The following CEP250 variants were observed in gnomAD, a reference collection of about 807,000 sequenced individuals.
CEP250 encodes centrosomal protein 250.
A neutral mutation model predicts 315.7 loss-of-function variants in CEP250; 242 were observed. The observed-to-expected ratio is 0.77, with a 90% CI of 0.69 to 0.85. The LOEUF (loss-of-function observed/expected upper bound fraction) is 0.85. CEP250 is among the 40% of genes least tolerant of loss of function. The pLI, the probability that CEP250 is intolerant of heterozygous loss-of-function variation, is 0.00. For synonymous variants in CEP250, 1,088 were observed against 1,175.0 expected (o/e 0.93, Z 1.51); for missense variants, 2,515 against 2,886.4 (o/e 0.87, Z 2.95).
rs776458602 is a variant in CEP250, at chr20:35,472,784, C to G, written c.1162C>G (p.Leu388Val). 3.1e-6 allele frequency: 5 copies of G among 1,614,070 alleles called. No homozygotes were observed. The highest frequency in any genetic ancestry group is 2.2e-5 in the East Asian group (1 of 44,896). Reference protein sequence around the residue: ...QFDYQDADKALTLVRSVLTRR... With the variant: ...QFDYQDADKAVTLVRSVLTRR... ...TGATTACCAGGATGCAGACAAGGCT[C>G]TTACTCTGGTGCGTTCAGTGCTGAC... is the stretch of plus-strand genomic sequence containing the variant. Residue 388 changes from leucine (L) to valine (V), a missense_variant, in exon 12 of 35, where the codon CTT (leucine) becomes GTT (valine). Coordinates refer to ENST00000397527, the MANE Select transcript of CEP250 (RefSeq NM_007186.6).
chr20:35,480,744 C>T (rs1015200424), intron 20 of CEP250, among the ~76,000 whole-genome samples: 3 of 151,930 alleles, frequency 2.0e-5, no homozygotes, highest in African/African-American at 7.3e-5. Flanking sequence ...AGGTGTGTGC[C>T]ACCACATCTG....
intron 27 of CEP250, among the ~76,000 whole-genome samples, chr20:35,499,676 G>A (rs1183124578): frequency 6.6e-6 from 1 of 152,214 alleles, no homozygotes; most frequent in Non-Finnish European, 1.5e-5. Flanking sequence ...GGAACTAGGA[G>A]GAGGGGGCAA....
In CEP250 at chr20:35,514,329, A is replaced by G. The variant is rs2064410302; in HGVS notation, c.*2703A>G. On this transcript the variant is annotated 3_prime_UTR_variant, in exon 35 of 35. Transcript: ENST00000397527. ...TGGCCACCAGAACATGCAGGAGTAG[A>G]GGTTAGAGCTCAGCCACAGAGATTA... 6.6e-6 allele frequency: 1 copy of G among 152,276 alleles called. No individual in the cohort carries two copies. The highest frequency in any genetic ancestry group is 2.1e-4 in the South Asian group (1 of 4,836). The allele number at this position is 152,276 out of a possible 1,614,324, so 9.4% of individuals were successfully genotyped here.
intron 22 of CEP250, among the ~76,000 whole-genome samples, chr20:35,492,807 A>G (rs1325008534): frequency 6.6e-6 from 1 of 152,172 alleles, no homozygotes; most frequent in Non-Finnish European, 1.5e-5. Flanking sequence ...AGCTCACTGC[A>G]ACCTTCGCCT....
At chr20:35,496,973 C>T (rs2063855338) in intron 25 of CEP250, among the ~76,000 whole-genome samples, 1 of 152,190 alleles carries the variant, frequency 6.6e-6, no homozygotes, top group African/African-American at 2.4e-5. Context: ...ACGGGTGTAG[C>T]CCATGCAGGC....
At chr20:35,500,257 C>G (rs2063965619) in intron 28 of CEP250, 88 bp downstream of exon 28, 1 of 1,497,144 alleles carries the variant, frequency 6.7e-7, no homozygotes, top group South Asian at 1.2e-5. Context: ...CTAGCAGCCA[C>G]TCTGTTTATT....
At chr20:35,472,953 G>T in intron 12 of CEP250, 122 bp downstream of exon 12, 1 of 932,868 alleles carries the variant, frequency 1.1e-6, no homozygotes, top group Non-Finnish European at 1.6e-6. Context: ...GAGGTGTTCT[G>T]TCAATATCCC....
At chr20:35,492,253 CA>C (rs1302343623) in intron 22 of CEP250, among the ~76,000 whole-genome samples, 2 of 151,962 alleles carry the variant, frequency 1.3e-5, no homozygotes, top group African/African-American at 4.8e-5. Context: ...GATATGCTTC[CA>C]TTTATATGAA....
intron 15 of CEP250, 81 bp from the exon 16 acceptor site, chr20:35,476,367 GC>G: frequency 1.5e-6 from 2 of 1,318,672 alleles, no homozygotes; most frequent in Non-Finnish European, 2.1e-6. Context: ...GTACCAAAAA[GC>G]AGCAGTGTTG....
chr20:35,507,612 A>G, intron 30 of CEP250, 126 bp from the exon 31 acceptor site: 2 of 752,172 alleles, frequency 2.7e-6, no homozygotes, highest in Non-Finnish European at 4.6e-6. Context: ...AGAATGACTC[A>G]GAGCCTCTAG....
Position 35,475,622 on chromosome 20 carries a change from GGAA to G in CEP250, c.1694_1696del (p.Glu565del). ...GGGAGTTACTGAGGCAAGAGCAAACGGAAGTGACCGCAGCGCTGGCTAGGGTGC... is the reference window on the plus strand; with the variant it reads ...GGGAGTTACTGAGGCAAGAGCAAACGGTGACCGCAGCGCTGGCTAGGGTGC... On this transcript the variant is annotated inframe_deletion, in exon 15 of 35. Transcript: ENST00000397527. 6.2e-7 allele frequency: 1 copy of G among 1,613,938 alleles called. No individual in the cohort carries two copies. The highest frequency in any genetic ancestry group is 1.1e-5 in the South Asian group (1 of 91,064).
rs2064447395 is a variant in CEP250 at position 35,517,636 on chromosome 20, C to T, written c.*6010C>T. On this transcript the variant is annotated 3_prime_UTR_variant, in exon 35 of 35. Coordinates refer to ENST00000397527, the MANE Select transcript of CEP250 (RefSeq NM_007186.6). ...GAATGATGGTGCGTGCCTGTAGTCC[C>T]AGCTACTTGGGAGGCTGAGGCAGGA... 1 of 151,978 alleles carries T rather than the reference C, an allele frequency of 6.6e-6. No homozygotes were observed. The highest frequency in any genetic ancestry group is 1.5e-5 in the Non-Finnish European group (1 of 68,064). The allele number at this position is 151,978 out of a possible 1,614,324, so 9.4% of individuals were successfully genotyped here. A position where few individuals can be genotyped will look rare whatever the true frequency, so the allele number is the denominator to read the frequency against.
chr20:35,501,877 C>G lies in CEP250; in HGVS notation c.3931C>G (p.Leu1311Val), dbSNP rs765203693. 3.1e-6 allele frequency: 5 copies of G among 1,613,042 alleles called. 1 individual carries two copies. In the South Asian group the frequency reaches 5.5e-5, roughly 18 times the overall value. ...TAAGTGGGAAGGAAAGCAGAACTCCCTAGAATCTGAGCTGATGGAACTACA... is the reference window on the plus strand; with the variant it reads ...TAAGTGGGAAGGAAAGCAGAACTCCGTAGAATCTGAGCTGATGGAACTACA... Reference protein sequence around the residue: ...KSKWEGKQNSLESELMELHET... With the variant: ...KSKWEGKQNSVESELMELHET... The change falls in exon 29 of 35, where the codon CTA (leucine) becomes GTA (valine). Residue 1311 changes from leucine (L) to valine (V), a missense_variant. Transcript: ENST00000397527.
At position 35,504,519 on chromosome 20, in the gene CEP250, G is replaced by A. The variant is rs114108181; in HGVS notation, c.6150G>A (p.Glu2050=). 842 of 1,613,980 alleles carry A rather than the reference G, an allele frequency of 5.2e-4. 1 individual carries two copies. The African/African-American group carries it at 9.6e-3, about 18-fold the overall frequency. The change falls in exon 30 of 35, where the codon GAG becomes GAA. Residue 2050 remains glutamate, a synonymous_variant. Coordinates refer to ENST00000397527, the MANE Select transcript of CEP250 (RefSeq NM_007186.6). ...LQQALAQRDE[E]LRHQQEREQL... The stretch of plus-strand genomic sequence containing the variant: ...AGGCACTTGCCCAGAGGGATGAAGA[G>A]CTGAGACATCAGCAGGAACGGGAGC...
rs762017926 is a variant in CEP250 at position 35,480,008 on chromosome 20, A to T, written c.2449A>T (p.Thr817Ser). Reference sequence around the variant, plus strand: ...GAGGTGCCTGAAGCTGGAACTGGACACTGAACGGAGTCAGGCAGAGCAGGA... The same window carrying T: ...GAGGTGCCTGAAGCTGGAACTGGACTCTGAACGGAGTCAGGCAGAGCAGGA... ...EVRCLKLELD[T>S]ERSQAEQERD... The change falls in exon 20 of 35, where the codon ACT (threonine) becomes TCT (serine). Residue 817 changes from threonine to serine, a missense_variant. Transcript: ENST00000397527. The T allele has an allele frequency of 6.2e-7, 1 of 1,613,826 alleles. No homozygotes were observed. The highest frequency in any genetic ancestry group is 1.7e-5 in the Admixed American group (1 of 60,022).
At position 35,515,627 on chromosome 20, in the gene CEP250, G is replaced by T. The variant is rs2064428542; in HGVS notation, c.*4001G>T. 2 of 152,270 alleles carry T rather than the reference G, an allele frequency of 1.3e-5. No individual in the cohort carries two copies. Among genetic ancestry groups the T allele is most frequent in the Non-Finnish European group, 2.9e-5 (2 of 68,116 alleles). 9.4% of individuals were successfully genotyped at this position (152,270 alleles called of 1,614,324 possible). On this transcript the variant is annotated 3_prime_UTR_variant, in exon 35 of 35. Coordinates refer to ENST00000397527, the MANE Select transcript of CEP250 (RefSeq NM_007186.6). ...TCCTGGTTTTTTTAGTTTGGCCTTG[G>T]GGTAGATGATACCTTCAGCTGTCCA...
At chr20:35,456,036 C>T (rs972632577) in intron 1 of CEP250, among the ~76,000 whole-genome samples, 7 of 152,202 alleles carry the variant, frequency 4.6e-5, no homozygotes, top group African/African-American at 1.7e-4. Context: ...GCTGGGATTG[C>T]AGGCATGCGC....
At position 35,475,699 on chromosome 20, in the gene CEP250, C is replaced by T. The variant is rs760095045; in HGVS notation, c.1716+53C>T. The T allele has an allele frequency of 1.4e-3, 2,279 of 1,583,514 alleles. 5 individuals carry two copies. Among genetic ancestry groups the T allele is most frequent in the Non-Finnish European group, 1.8e-3 (2,072 of 1,159,826 alleles). The stretch of plus-strand genomic sequence containing the variant: ...GGGTGGGCGGCTTCGAAAGTGTGTT[C>T]CCATGCAGCCTGCCTCATTCTTCAC... On this transcript the variant is annotated intron_variant, in intron 15 of 34. Transcript: ENST00000397527.
rs1332346667 is a variant in CEP250 at position 35,511,642 on chromosome 20, G to A, written c.*16G>A. ...CTCCAGGTAGCAGCCACAGCCAGGA[G>A]CACACAGACAGAAGACTGTGTCATG... On this transcript the variant is annotated 3_prime_UTR_variant, in exon 35 of 35. Coordinates refer to ENST00000397527, the MANE Select transcript of CEP250 (RefSeq NM_007186.6). 6.2e-7 allele frequency: 1 copy of A among 1,602,486 alleles called. No individual in the cohort carries two copies. Among genetic ancestry groups the A allele is most frequent in the Admixed American group, 1.7e-5 (1 of 59,590 alleles).
Sources: gnomAD v4.1 joint callset for allele counts (sites outside exome capture counted in the v4.1 genomes callset) on GRCh38, gnomAD v4.1.1 for gene constraint, MANE v1.5 for transcripts, NCBI Gene and HGNC (gene_info 2026-07-23, HGNC 2026-07-21) for gene names.